ZHX2: variants seen among roughly 807,000 people sequenced by gnomAD.
ZHX2 encodes zinc fingers and homeoboxes protein 2.
ZHX2 carries 6 observed loss-of-function variants against 21.9 expected under a neutral mutation model. The observed-to-expected ratio is 0.27, with a 90% CI of 0.15 to 0.54. The LOEUF (loss-of-function observed/expected upper bound fraction) is 0.54. Among genes scored for constraint, ZHX2 ranks in the 20% least tolerant of loss-of-function variants. ZHX2 has a pLI of 0.95. For missense variants in ZHX2, 908 were observed against 1,090.7 expected, an observed-to-expected ratio of 0.83 and a Z score of 2.36; for synonymous variants, 434 against 437.1, an observed-to-expected ratio of 0.99 and a Z score of 0.09.
intron 2 of ZHX2, among the ~76,000 whole-genome samples, chr8:122,878,380 G>A (rs1180315252): frequency 2.0e-5 from 3 of 152,284 alleles, no homozygotes; most frequent in African/African-American, 7.2e-5. Context: ...CACATACCTA[G>A]GTCAGTGAGG....
chr8:122,930,083 G>A (rs987681785), intron 2 of ZHX2, among the ~76,000 whole-genome samples: 2 of 152,194 alleles, frequency 1.3e-5, no homozygotes, highest in African/African-American at 4.8e-5. Flanking sequence ...GATCACTGAA[G>A]AAACCTCTCT....
At chr8:122,807,053 G>T (rs1435939012) in intron 1 of ZHX2, among the ~76,000 whole-genome samples, 1 of 152,152 alleles carries the variant, frequency 6.6e-6, no homozygotes, top group Non-Finnish European at 1.5e-5. Flanking sequence ...GTGTGGAGAA[G>T]GGTGGACAGT....
chr8:122,824,816 T>TA (rs1189119442), intron 1 of ZHX2, among the ~76,000 whole-genome samples: 1 of 152,210 alleles, frequency 6.6e-6, no homozygotes, highest in Admixed American at 6.5e-5. Context: ...GAGCTAAAAT[T>TA]AGAGTGTTGG....
intron 2 of ZHX2, among the ~76,000 whole-genome samples, chr8:122,877,822 G>A (rs1381395755): frequency 1.3e-5 from 2 of 152,186 alleles, no homozygotes; most frequent in African/African-American, 4.8e-5. Context: ...ACTATGGACT[G>A]CATTTGGAGA....
chr8:122,860,194 G>C (rs771560129), intron 1 of ZHX2, among the ~76,000 whole-genome samples: 1 of 152,180 alleles, frequency 6.6e-6, no homozygotes, highest in Non-Finnish European at 1.5e-5. Context: ...ATCAGATCTC[G>C]TGAGAACTCA....
intron 1 of ZHX2, among the ~76,000 whole-genome samples, chr8:122,820,416 A>C (rs1447372459): frequency 6.6e-6 from 1 of 152,234 alleles, no homozygotes; most frequent in Non-Finnish European, 1.5e-5. Flanking sequence ...CCTGGAAAAA[A>C]TGGCCGTGTT....
chr8:122,908,115 C>T (rs75921448), intron 2 of ZHX2, among the ~76,000 whole-genome samples: 1 of 152,284 alleles, frequency 6.6e-6, no homozygotes, highest in African/African-American at 2.4e-5. Context: ...CTCGCCCCGC[C>T]CAACCCAAAA....
intron 2 of ZHX2, among the ~76,000 whole-genome samples, chr8:122,868,734 GC>G (rs1299150813): frequency 6.6e-6 from 1 of 151,628 alleles, no homozygotes; most frequent in Non-Finnish European, 1.5e-5. Flanking sequence ...GCCAGACATG[GC>G]GGGGCTCACC....
chr8:122,798,418 C>T (rs1046912981), intron 1 of ZHX2, among the ~76,000 whole-genome samples: 3 of 152,146 alleles, frequency 2.0e-5, no homozygotes, highest in Admixed American at 1.3e-4. Context: ...GAATGTTGAT[C>T]TCACATCCTG....
chr8:122,887,819 C>T (rs931849375), intron 2 of ZHX2, among the ~76,000 whole-genome samples: 2 of 151,996 alleles, frequency 1.3e-5, no homozygotes, highest in African/African-American at 4.8e-5. Flanking sequence ...CTCCCACCCT[C>T]GCGCCGCCCC....
chr8:122,895,495 A>C (rs952866933), intron 2 of ZHX2, among the ~76,000 whole-genome samples: 2 of 152,192 alleles, frequency 1.3e-5, no homozygotes, highest in African/African-American at 4.8e-5. Context: ...AAGCCCTTTT[A>C]AAATTGGAAT....
chr8:122,802,616 A>G (rs891224136), intron 1 of ZHX2, among the ~76,000 whole-genome samples: 1 of 152,190 alleles, frequency 6.6e-6, no homozygotes, highest in Admixed American at 6.5e-5. Context: ...GGCTGCCTGC[A>G]TGGCCCCTGC....
intron 1 of ZHX2, among the ~76,000 whole-genome samples, chr8:122,835,602 A>T (rs1563747872): frequency 6.6e-6 from 1 of 152,122 alleles, no homozygotes; most frequent in Non-Finnish European, 1.5e-5. Flanking sequence ...GTTAAAGAAG[A>T]TGGTTGAGAG....
upstream of ZHX2, chr8:122,780,568 C>T (rs985944722): frequency 6.6e-6 from 1 of 152,220 alleles, no homozygotes. Context: ...TTCCTTAGAG[C>T]TCTTTAGCCG....
At chr8:122,838,484 C>T (rs1264947970) in intron 1 of ZHX2, among the ~76,000 whole-genome samples, 2 of 150,612 alleles carry the variant, frequency 1.3e-5, no homozygotes, top group Non-Finnish European at 2.9e-5. Flanking sequence ...GTGAATAGTA[C>T]GATAATTAAA....
chr8:122,847,748 G>A (rs1286558191), intron 1 of ZHX2, among the ~76,000 whole-genome samples: 1 of 152,164 alleles, frequency 6.6e-6, no homozygotes, highest in African/African-American at 2.4e-5. Flanking sequence ...TTCCTGGAAC[G>A]CCTGAGAGTA....
chr8:122,886,550 G>A (rs752059318), intron 2 of ZHX2, among the ~76,000 whole-genome samples: 3 of 152,040 alleles, frequency 2.0e-5, no homozygotes, highest in Non-Finnish European at 4.4e-5. Context: ...TCATAATAAA[G>A]GAAACCAGGA....
At chr8:122,930,658 T>A (rs982100057) in intron 2 of ZHX2, among the ~76,000 whole-genome samples, 4 of 151,938 alleles carry the variant, frequency 2.6e-5, no homozygotes, top group East Asian at 1.9e-4. Flanking sequence ...TTTTTTTTTT[T>A]TTATTTTTTT....
At chr8:122,901,483 G>T (rs1820228796) in intron 2 of ZHX2, among the ~76,000 whole-genome samples, 1 of 152,230 alleles carries the variant, frequency 6.6e-6, no homozygotes, top group African/African-American at 2.4e-5. Context: ...CACTGTTTCA[G>T]AATGTGCTCC....
Sources: allele counts gnomAD v4.1 joint callset (sites outside exome capture counted in the v4.1 genomes callset), GRCh38; gene constraint gnomAD v4.1.1; transcripts MANE v1.5; gene names NCBI Gene and HGNC (gene_info 2026-07-23, HGNC 2026-07-21).